Variants in RNF13 observed in about 807,000 individuals in gnomAD.
RNF13 encodes the protein ring finger protein 13, also known as E3 ubiquitin-protein ligase RNF13.
RNF13 carries 19 observed loss-of-function variants against 37.7 expected under a neutral mutation model. That is an observed-to-expected ratio of 0.50 (90% CI 0.35 to 0.74). The LOEUF (loss-of-function observed/expected upper bound fraction) is 0.74, where lower values mean the gene tolerates loss of function less well. RNF13 is among the 30% of genes least tolerant of loss of function. RNF13 has a pLI of 0.01. For missense variants in RNF13, 375 were observed against 453.0 expected, an observed-to-expected ratio of 0.83 and a Z score of 1.56; for synonymous variants, 144 against 157.8, an observed-to-expected ratio of 0.91 and a Z score of 0.65.
At chr3:149,947,680 G>T (rs1335161798) in intron 8 of RNF13, among the ~76,000 whole-genome samples, 1 of 152,086 alleles carries the variant, frequency 6.6e-6, no homozygotes, top group Non-Finnish European at 1.5e-5. Context: ...AATTACAGGC[G>T]TGAGCCACCG....
chr3:149,821,053 G>A (rs144777859), intron 1 of RNF13, among the ~76,000 whole-genome samples: 140 of 152,164 alleles, frequency 9.2e-4, no homozygotes, highest in Non-Finnish European at 1.0e-3. Context: ...ATATCAGTTT[G>A]TTTATCCATT....
Position 149,960,895 on chromosome 3 carries a change from A to G in RNF13, c.937A>G (p.Arg313Gly), listed in dbSNP as rs1284793970. The G allele has an allele frequency of 6.2e-7, 1 of 1,614,092 alleles. No homozygotes were observed. The highest frequency in any genetic ancestry group is 1.3e-5 in the African/African-American group (1 of 74,936). ...AGTGACAGAACATACCCCTTTACTG[A>G]GACCTTTAGCTTCTGTCAGTGCCCA... ...NEVTEHTPLLRPLASVSAQSF... is the reference protein window; with the variant it reads ...NEVTEHTPLLGPLASVSAQSF... Residue 313 changes from arginine to glycine, a missense_variant, in exon 10 of 10, where the codon AGA (arginine) becomes GGA (glycine). By Grantham distance (125) the Arg-to-Gly change is moderately radical (BLOSUM62 -2). Transcript: ENST00000392894.
In RNF13 at chr3:149,840,115, TTA is replaced by T. The variant is rs1722022263; in HGVS notation, c.-16-5893_-16-5892del. On this transcript the variant is annotated intron_variant, in intron 1 of 9. Transcript: ENST00000392894. Reference sequence around the variant, plus strand: ...GTTTCGCAAGAATACATCTTAAGTGTTATAATACAGACTGAACAGAAAGTAAA... The same window carrying T: ...GTTTCGCAAGAATACATCTTAAGTGTTAATACAGACTGAACAGAAAGTAAA... 2.0e-5 allele frequency among the ~76,000 whole-genome samples: 3 copies of T among 152,362 alleles called. No homozygotes were observed. In the East Asian group the frequency reaches 5.8e-4, roughly 29 times the overall value.
At chr3:149,939,209 C>T (rs1720004320) in intron 8 of RNF13, 2 of 515,332 alleles carry the variant, frequency 3.9e-6, no homozygotes, top group African/African-American at 2.0e-5. Flanking sequence ...GATTTGACTT[C>T]TGTGCATTTT....
At chr3:149,888,344 G>GT in intron 4 of RNF13, among the ~76,000 whole-genome samples, 1 of 152,250 alleles carries the variant, frequency 6.6e-6, no homozygotes, top group South Asian at 2.1e-4. Context: ...TAAAATTTAT[G>GT]TTATTAAAAT....
chr3:149,872,071 A>G lies in RNF13; in HGVS notation c.238A>G (p.Ile80Val), dbSNP rs781084617. 3.7e-6 allele frequency: 6 copies of G among 1,608,560 alleles called. No homozygotes were observed. Among genetic ancestry groups the G allele is most frequent in the East Asian group, 4.5e-5 (2 of 44,732 alleles). Residue 80 changes from isoleucine to valine, a missense_variant, in exon 4 of 10, where the codon ATA becomes GTA. Ile to Val is a conservative substitution (Grantham distance 29). Transcript: ENST00000392894. ...NSKPENACEP[I>V]VPPPVKDNSS... ...AAAACCAGAGAATGCCTGTGAACCC[A>G]TAGTGCCTCCACCAGTAAAAGACAA...
intron 7 of RNF13, among the ~76,000 whole-genome samples, chr3:149,913,078 T>C (rs1287712652): frequency 6.6e-6 from 1 of 152,166 alleles, no homozygotes; most frequent in Non-Finnish European, 1.5e-5. Context: ...CATTTATTAT[T>C]GTATTGAATT....
chr3:149,877,143 T>G (rs187415307), intron 4 of RNF13, among the ~76,000 whole-genome samples: 1 of 152,136 alleles, frequency 6.6e-6, no homozygotes, highest in Non-Finnish European at 1.5e-5. Flanking sequence ...GAGAAAAATA[T>G]CATGTTTTAG....
chr3:149,909,763 C>G (rs1716798366), intron 6 of RNF13, among the ~76,000 whole-genome samples: 1 of 152,010 alleles, frequency 6.6e-6, no homozygotes, highest in Non-Finnish European at 1.5e-5. Context: ...GATTCCATTT[C>G]TGCCGTTACA....
At chr3:149,835,807 T>C (rs1721564588) in intron 1 of RNF13, among the ~76,000 whole-genome samples, 1 of 151,796 alleles carries the variant, frequency 6.6e-6, no homozygotes, top group Non-Finnish European at 1.5e-5. Flanking sequence ...TTTTTATGAC[T>C]TTTCTCCTGG....
At chr3:149,838,786 C>T (rs1389235331) in intron 1 of RNF13, among the ~76,000 whole-genome samples, 10 of 151,558 alleles carry the variant, frequency 6.6e-5, no homozygotes, top group African/African-American at 2.4e-4. Context: ...TTTGGCTCCT[C>T]GTTACTTAAG....
chr3:149,833,726 A>G (rs573775614), intron 1 of RNF13, among the ~76,000 whole-genome samples: 4 of 152,320 alleles, frequency 2.6e-5, no homozygotes, highest in Admixed American at 2.0e-4. Flanking sequence ...TGCCTTTGCC[A>G]TTTCTATTTA....
At chr3:149,834,675 C>T (rs1173514513) in intron 1 of RNF13, among the ~76,000 whole-genome samples, 3 of 152,190 alleles carry the variant, frequency 2.0e-5, no homozygotes, top group Non-Finnish European at 4.4e-5. Context: ...GAACTTGGCA[C>T]TTTCTTCCCT....
rs573076008 is a variant in RNF13, at chr3:149,858,692, G to A, written c.195+6096G>A. On this transcript the variant is annotated intron_variant, in intron 3 of 9. Transcript: ENST00000392894. ...AGAAGAGATGAAGATCATGGGATGCGGATTTGTCCTAGACTATGCTGTTCC... is the reference window on the plus strand; with the variant it reads ...AGAAGAGATGAAGATCATGGGATGCAGATTTGTCCTAGACTATGCTGTTCC... Among the ~76,000 whole-genome samples the A allele has an allele frequency of 3.3e-5, 5 of 152,194 alleles. No individual in the cohort carries two copies. In the East Asian group the frequency reaches 5.8e-4, roughly 18 times the overall value.
intron 8 of RNF13, among the ~76,000 whole-genome samples, chr3:149,928,277 G>A (rs1029178677): frequency 2.0e-5 from 3 of 151,768 alleles, no homozygotes; most frequent in Non-Finnish European, 4.4e-5. Context: ...TTTACCCTAT[G>A]TTTTCTTCAA....
At chr3:149,951,530 CTT>C (rs926290163) in intron 8 of RNF13, among the ~76,000 whole-genome samples, 5 of 152,286 alleles carry the variant, frequency 3.3e-5, no homozygotes, top group African/African-American at 7.2e-5. Flanking sequence ...TCATGGCACT[CTT>C]TTATCATTTG....
chr3:149,936,579 ATC>A (rs1278897989), intron 8 of RNF13, among the ~76,000 whole-genome samples: 1 of 151,722 alleles, frequency 6.6e-6, no homozygotes, highest in Non-Finnish European at 1.5e-5. Flanking sequence ...TAATTTTTTA[ATC>A]TGTTTGTTAA....
At chr3:149,949,083 A>G (rs1449219081) in intron 8 of RNF13, among the ~76,000 whole-genome samples, 1 of 152,078 alleles carries the variant, frequency 6.6e-6, no homozygotes, top group Non-Finnish European at 1.5e-5. Flanking sequence ...CCTACATTAC[A>G]ATAATACAGG....
intron 5 of RNF13, among the ~76,000 whole-genome samples, chr3:149,901,317 T>G (rs1715816170): frequency 6.6e-6 from 1 of 152,230 alleles, no homozygotes; most frequent in South Asian, 2.1e-4. Flanking sequence ...CCAAATGTGT[T>G]AAACTAACTC....
Sources: allele counts gnomAD v4.1 joint callset (sites outside exome capture counted in the v4.1 genomes callset), GRCh38; gene constraint gnomAD v4.1.1; transcripts MANE v1.5; gene names NCBI Gene and HGNC (gene_info 2026-07-23, HGNC 2026-07-21).